Variants in KMT2C observed in about 807,000 individuals in gnomAD.
The protein encoded by KMT2C is lysine methyltransferase 2C, also known as histone-lysine N-methyltransferase 2C.
KMT2C carries 88 observed loss-of-function variants against 507.9 expected under a neutral mutation model. The ratio of observed to expected loss-of-function variants is 0.17; its 90% CI spans 0.15 to 0.21. KMT2C has a LOEUF of 0.21. Ranked by LOEUF, KMT2C falls within the 10% of genes least tolerant of loss-of-function variation. The probability of loss-of-function intolerance (pLI) is 1.00; values close to 1 mark genes in which losing one functional copy is unlikely to be tolerated. For synonymous variants in KMT2C, 2,049 were observed against 2,080.8 expected, an observed-to-expected ratio of 0.98 and a Z score of 0.42; for missense variants, 4,954 against 5,957.8, an observed-to-expected ratio of 0.83 and a Z score of 5.55.
At position 152,297,055 on chromosome 7, in the gene KMT2C, C is replaced by CAGACAGAAAGAG. The variant is rs1315629061; in HGVS notation, c.849+12910_849+12911insCTCTTTCTGTCT. 3.5e-3 allele frequency among the ~76,000 whole-genome samples: 299 copies of CAGACAGAAAGAG among 84,420 alleles called. 6 individuals carry two copies. Among genetic ancestry groups the CAGACAGAAAGAG allele is most frequent in the African/African-American group, 0.016 (289 of 18,316 alleles). 55.4% of individuals were successfully genotyped at this position (84,420 alleles called of 152,430 possible). A position where few individuals can be genotyped will look rare whatever the true frequency, so the allele number is the denominator to read the frequency against. ...AAAGAAAGAAAGAAAGAAAGAAAGACAGAGAGAGAGAGAGAGAGAGAGAGA... is the reference window on the plus strand; with the variant it reads ...AAAGAAAGAAAGAAAGAAAGAAAGACAGACAGAAAGAGAGAGAGAGAGAGAGAGAGAGAGAGA... On this transcript the variant is annotated intron_variant, in intron 6 of 58. Coordinates refer to ENST00000262189, the MANE Select transcript of KMT2C (RefSeq NM_170606.3).
intron 1 of KMT2C, among the ~76,000 whole-genome samples, chr7:152,377,734 C>CAAAAAAAA (rs59181675): frequency 8.0e-5 from 5 of 62,626 alleles, no homozygotes; most frequent in African/African-American, 2.4e-4. Context: ...GACTCCGTCT[C>CAAAAAAAA]AAAAAAAAAA....
At chr7:152,246,565 A>G (rs2095477643) in intron 14 of KMT2C, among the ~76,000 whole-genome samples, 1 of 152,176 alleles carries the variant, frequency 6.6e-6, no homozygotes, top group Non-Finnish European at 1.5e-5. Context: ...AGGAATACAT[A>G]TGAAGCAGTA....
rs2093265534 is a variant in KMT2C, at chr7:152,177,721, G to A, written c.7732C>T (p.Pro2578Ser). The A allele has an allele frequency of 5.6e-6, 9 of 1,614,110 alleles. No individual in the cohort carries two copies. The highest frequency in any genetic ancestry group is 1.1e-5 in the South Asian group (1 of 91,072). The stretch of plus-strand genomic sequence containing the variant: ...GAAGATGCCTCTACAACGCTGCCAG[G>A]TGGAGCACTGAAAGGCAGCCGTTGC... The part of the protein sequence containing the change: ...GRQRLPFSAP[P>S]GSVVEASSNL... The change falls in exon 38 of 59, where the codon CCT becomes TCT. Residue 2578 changes from proline to serine, a missense_variant. By Grantham distance (74) the Pro-to-Ser change is moderately conservative. This residue lies in a region of KMT2C where 1,689 missense variants were observed against 1,654.3 expected (regional missense o/e 1.02). Coordinates refer to ENST00000262189, the MANE Select transcript of KMT2C (RefSeq NM_170606.3).
intron 42 of KMT2C, among the ~76,000 whole-genome samples, chr7:152,164,292 T>C (rs919398955): frequency 6.2e-4 from 81 of 131,008 alleles, no homozygotes; most frequent in Middle Eastern, 3.7e-3. Flanking sequence ...TTGTACAACA[T>C]TTTTTTTTTT....
At chr7:152,191,565 C>T (rs1192999142) in intron 31 of KMT2C, among the ~76,000 whole-genome samples, 1 of 152,190 alleles carries the variant, frequency 6.6e-6, no homozygotes, top group African/African-American at 2.4e-5. Flanking sequence ...TTCTTCTCGT[C>T]CCAAATTTAT....
intron 1 of KMT2C, among the ~76,000 whole-genome samples, chr7:152,428,634 A>G (rs1399933002): frequency 1.3e-5 from 2 of 151,906 alleles, no homozygotes; most frequent in African/African-American, 4.8e-5. Context: ...TCCATCTCAA[A>G]AAAGAAAAAA....
At chr7:152,141,712 C>CAAAAA (rs1249621681) in intron 55 of KMT2C, among the ~76,000 whole-genome samples, 1 of 61,882 alleles carries the variant, frequency 1.6e-5, no homozygotes, top group African/African-American at 5.8e-5. Context: ...GACTCTGTCT[C>CAAAAA]AAAAAAAAAA....
rs2129164149 is a variant in KMT2C, at chr7:152,248,255, T to C, written c.2179A>G (p.Lys727Glu). The C allele has an allele frequency of 6.2e-7, 1 of 1,613,940 alleles. No individual in the cohort carries two copies. The change falls in exon 14 of 59, where the codon AAA becomes GAA. Residue 727 changes from lysine to glutamate, a missense_variant. Lys to Glu is a moderately conservative substitution (Grantham distance 56). Transcript: ENST00000262189. The stretch of plus-strand genomic sequence containing the variant: ...CCAGTAGAAAGTTCAGAATTTTCTT[T>C]CTGTTCCTTTTCTCCTTGTAGCCTT... Reference protein sequence around the residue: ...IERLQGEKEQKENSELSTGLM... With the variant: ...IERLQGEKEQEENSELSTGLM...
chr7:152,294,545 C>A (rs2096469813), intron 6 of KMT2C, among the ~76,000 whole-genome samples: 1 of 151,804 alleles, frequency 6.6e-6, no homozygotes, highest in African/African-American at 2.4e-5. Flanking sequence ...GGAAACATTG[C>A]TAGAGTTCAT....
intron 1 of KMT2C, among the ~76,000 whole-genome samples, chr7:152,398,131 T>A (rs1286991967): frequency 2.6e-5 from 4 of 152,196 alleles, no homozygotes; most frequent in African/African-American, 9.7e-5. Context: ...CACATTTTAT[T>A]TTCTTCATAG....
intron 1 of KMT2C, among the ~76,000 whole-genome samples, chr7:152,432,738 CAAG>C (rs2097875012): frequency 6.6e-6 from 1 of 152,148 alleles, no homozygotes; most frequent in Non-Finnish European, 1.5e-5. Context: ...CACTATAAGA[CAAG>C]AAAATGCTTT....
intron 38 of KMT2C, among the ~76,000 whole-genome samples, chr7:152,175,302 TGCCCA>T (rs1368533380): frequency 6.6e-6 from 1 of 152,070 alleles, no homozygotes; most frequent in Non-Finnish European, 1.5e-5. Flanking sequence ...CACGCTGCTA[TGCCCA>T]GCTAATTTTT....
chr7:152,246,608 T>G (rs961711278), intron 14 of KMT2C, among the ~76,000 whole-genome samples: 3 of 152,094 alleles, frequency 2.0e-5, no homozygotes, highest in African/African-American at 7.2e-5. Flanking sequence ...CAACCAAAAG[T>G]AAATTTGAGA....
chr7:152,347,359 G>A (rs999648127), intron 2 of KMT2C, among the ~76,000 whole-genome samples: 1 of 152,052 alleles, frequency 6.6e-6, no homozygotes, highest in African/African-American at 2.4e-5. Context: ...ACTTCATATG[G>A]GTCCCGTGGT....
rs2129120148 is a variant in KMT2C at position 152,181,638 on chromosome 7, C to A, written c.6222G>T (p.Arg2074Ser). ...CTATAGGTCTTGGTGTCAAAGCAGG[C>A]CTTTCATAAGGGTCAACAGACAATC... The part of the protein sequence containing the change: ...SRRLSVDPYE[R>S]PALTPRPIDN... Residue 2074 changes from arginine to serine, a missense_variant, in exon 36 of 59, where the codon AGG becomes AGT. Arg to Ser is a moderately radical substitution (Grantham distance 110, BLOSUM62 -1). This residue lies in a region of KMT2C where 1,689 missense variants were observed against 1,654.3 expected (regional missense o/e 1.02). Coordinates refer to ENST00000262189, the MANE Select transcript of KMT2C (RefSeq NM_170606.3). 6.2e-7 allele frequency: 1 copy of A among 1,613,968 alleles called. No individual in the cohort carries two copies. Among genetic ancestry groups the A allele is most frequent in the East Asian group, 2.2e-5 (1 of 44,872 alleles).
At chr7:152,434,258 A>C (rs2097894193) in intron 1 of KMT2C, among the ~76,000 whole-genome samples, 1 of 152,226 alleles carries the variant, frequency 6.6e-6, no homozygotes, top group Admixed American at 6.5e-5. Context: ...TAATGTACAC[A>C]CATCCTGTAC....
At chr7:152,165,564 T>A (rs1389269164) in intron 42 of KMT2C, among the ~76,000 whole-genome samples, 2 of 152,252 alleles carry the variant, frequency 1.3e-5, no homozygotes, top group African/African-American at 2.4e-5. Context: ...GGAATTATGA[T>A]CACCTTATTG....
Position 152,345,349 on chromosome 7 carries a change from C to A in KMT2C, c.250+13238G>T, listed in dbSNP as rs550359798. ...CCCAGCTACTTGCGAAGCTGAGGTG[C>A]GAGGATGGCTTGAGCCCAAGAGTTC... On this transcript the variant is annotated intron_variant, in intron 2 of 58. Coordinates refer to ENST00000262189, the MANE Select transcript of KMT2C (RefSeq NM_170606.3). 2.0e-5 allele frequency among the ~76,000 whole-genome samples: 3 copies of A among 152,014 alleles called. No homozygotes were observed. In the East Asian group the frequency reaches 5.8e-4, roughly 30 times the overall value.
At chr7:152,218,259 G>A (rs978448262) in intron 23 of KMT2C, among the ~76,000 whole-genome samples, 1 of 152,030 alleles carries the variant, frequency 6.6e-6, no homozygotes, top group Non-Finnish European at 1.5e-5. Flanking sequence ...CTGCCTCCTG[G>A]GTTCAAGCAA....
Sources: allele counts gnomAD v4.1 joint callset (sites outside exome capture counted in the v4.1 genomes callset), GRCh38; gene constraint gnomAD v4.1.1; regional missense constraint gnomAD v4.1.1; transcripts MANE v1.5; gene names NCBI Gene and HGNC (gene_info 2026-07-23, HGNC 2026-07-21).